PAX5: variants seen among roughly 807,000 people sequenced by gnomAD.
PAX5 encodes paired box protein Pax-5.
A neutral mutation model predicts 43.7 loss-of-function variants in PAX5; 9 were observed. That is an observed-to-expected ratio of 0.21 (90% confidence interval 0.12 to 0.36). The LOEUF is 0.36. Among genes scored for constraint, PAX5 ranks in the 10% least tolerant of loss-of-function variants. The pLI, the probability that PAX5 is intolerant of heterozygous loss-of-function variation, is 1.00. For synonymous variants in PAX5, 228 were observed against 214.3 expected (o/e 1.06, Z -0.56); for missense variants, 383 against 532.7 (o/e 0.72, Z 2.77).
chr9:37,025,901 C>G (rs1445112060), intron 1 of PAX5, among the ~76,000 whole-genome samples: 1 of 152,126 alleles, frequency 6.6e-6, no homozygotes, highest in Non-Finnish European at 1.5e-5. Context: ...AGAGAAGGAC[C>G]CAATGGGGTC....
chr9:37,010,784 T>C (rs528598814), intron 3 of PAX5, among the ~76,000 whole-genome samples: 19 of 152,198 alleles, frequency 1.2e-4, no homozygotes, highest in African/African-American at 3.6e-4. Context: ...ATGCCGAGAA[T>C]TCAAAACCCA....
At chr9:36,943,493 A>C (rs1832228510) in intron 6 of PAX5, among the ~76,000 whole-genome samples, 1 of 150,234 alleles carries the variant, frequency 6.7e-6, no homozygotes, top group Admixed American at 6.7e-5. Flanking sequence ...CAGCTCTCCT[A>C]AAGATATTGC....
At position 36,946,162 on chromosome 9, in the gene PAX5, C is replaced by T. The variant is rs77011705; in HGVS notation, c.780+20387G>A. 1.9e-4 allele frequency among the ~76,000 whole-genome samples: 29 copies of T among 151,834 alleles called. No individual in the cohort carries two copies. The East Asian group carries it at 4.3e-3, about 22-fold the overall frequency. On this transcript the variant is annotated intron_variant, in intron 6 of 9. Coordinates refer to ENST00000358127, the MANE Select transcript of PAX5 (RefSeq NM_016734.3). ...CAGGATGCAGTGCTCCATCAGGAAG[C>T]GACTCCCTGAGGAGTGCTCCGTCAG...
At chr9:37,033,599 TAC>T (rs56039556) in intron 1 of PAX5, among the ~76,000 whole-genome samples, 44,250 of 149,110 alleles carry the variant, frequency 0.3, 6,481 homozygotes, top group Middle Eastern at 0.33. Flanking sequence ...AGTATAAAGA[TAC>T]ACACACACAC....
At chr9:36,942,145 G>A (rs182385578) in intron 6 of PAX5, among the ~76,000 whole-genome samples, 1 of 152,336 alleles carries the variant, frequency 6.6e-6, no homozygotes, top group Non-Finnish European at 1.5e-5. Context: ...CCTTGGCTCA[G>A]GGAAAGGACC....
intron 8 of PAX5, among the ~76,000 whole-genome samples, chr9:36,876,085 G>A (rs1563921059): frequency 6.6e-6 from 1 of 152,190 alleles, no homozygotes; most frequent in East Asian, 1.9e-4. Context: ...GAGCAGAGAG[G>A]GGCTGAGCCC....
intron 7 of PAX5, among the ~76,000 whole-genome samples, chr9:36,922,368 C>T (rs1223013488): frequency 6.6e-6 from 1 of 152,232 alleles, no homozygotes; most frequent in Non-Finnish European, 1.5e-5. Flanking sequence ...GGCTCTGGCC[C>T]AAGTGTGGCC....
At chr9:36,984,929 G>C (rs1394920801) in intron 5 of PAX5, among the ~76,000 whole-genome samples, 1 of 152,216 alleles carries the variant, frequency 6.6e-6, no homozygotes, top group Non-Finnish European at 1.5e-5. Context: ...GCTGGGAGCA[G>C]GGACCTGGGT....
At chr9:37,012,694 G>T (rs1839049600) in intron 3 of PAX5, among the ~76,000 whole-genome samples, 1 of 152,070 alleles carries the variant, frequency 6.6e-6, no homozygotes, top group South Asian at 2.1e-4. Flanking sequence ...CTTCAATTTT[G>T]ACTTAAATAA....
At chr9:36,993,452 A>T (rs1273552381) in intron 5 of PAX5, among the ~76,000 whole-genome samples, 1 of 151,244 alleles carries the variant, frequency 6.6e-6, no homozygotes, top group Non-Finnish European at 1.5e-5. Flanking sequence ...AGGACTTGAG[A>T]TGGAACCAGG....
chr9:36,960,925 C>G (rs1174058742), intron 6 of PAX5, among the ~76,000 whole-genome samples: 1 of 152,224 alleles, frequency 6.6e-6, no homozygotes, highest in East Asian at 1.9e-4. Flanking sequence ...GCATTCTGCC[C>G]TTCCCTCAAG....
intron 6 of PAX5, among the ~76,000 whole-genome samples, chr9:36,942,003 TC>T (rs1269038864): frequency 6.6e-6 from 1 of 152,246 alleles, no homozygotes; most frequent in Non-Finnish European, 1.5e-5. Context: ...ATAGCAGCAC[TC>T]GATCAAGTGC....
rs569868020 is a variant in PAX5 at position 36,862,371 on chromosome 9, G to A, written c.1013-15442C>T. On this transcript the variant is annotated intron_variant, in intron 8 of 9. Transcript: ENST00000358127. ...TCTCCCGCCCGCAGCAATGAACTTC[G>A]CAGGCAGCAGTCCGGCCTTCCTATT... is the stretch of plus-strand genomic sequence containing the variant. Among the ~76,000 whole-genome samples the A allele has an allele frequency of 8.5e-5, 13 of 152,264 alleles. No homozygotes were observed. The South Asian group carries it at 2.1e-3, about 24-fold the overall frequency.
chr9:36,891,096 G>A (rs540416262), intron 7 of PAX5, among the ~76,000 whole-genome samples: 22 of 152,204 alleles, frequency 1.4e-4, no homozygotes, highest in Non-Finnish European at 2.2e-4. Flanking sequence ...CCGAGATTGC[G>A]CCACTGCACT....
chr9:36,899,375 T>C (rs1007555898), intron 7 of PAX5, among the ~76,000 whole-genome samples: 3 of 152,210 alleles, frequency 2.0e-5, no homozygotes, highest in Non-Finnish European at 4.4e-5. Context: ...TATGTCCTGC[T>C]CACTTCTGTT....
At chr9:36,934,117 CG>C (rs1563983725) in intron 6 of PAX5, among the ~76,000 whole-genome samples, 2 of 152,108 alleles carry the variant, frequency 1.3e-5, no homozygotes, top group Non-Finnish European at 1.5e-5. Context: ...GGAATTCCAC[CG>C]GGTCTGGGGC....
At chr9:37,032,293 G>A (rs3739443) in intron 1 of PAX5, among the ~76,000 whole-genome samples, 2,689 of 152,166 alleles carry the variant, frequency 0.018, 147 homozygotes, top group East Asian at 0.16. Context: ...ACAGCTTGTC[G>A]GGAGAGCCAG....
At chr9:36,970,192 T>G (rs1468638904) in intron 5 of PAX5, among the ~76,000 whole-genome samples, 1 of 151,952 alleles carries the variant, frequency 6.6e-6, no homozygotes, top group Non-Finnish European at 1.5e-5. Flanking sequence ...CATGTGACCA[T>G]GTGTAATGGA....
chr9:36,968,128 T>C (rs1262003104), intron 5 of PAX5, among the ~76,000 whole-genome samples: 1 of 152,136 alleles, frequency 6.6e-6, no homozygotes, highest in Non-Finnish European at 1.5e-5. Flanking sequence ...GGCCCAGAGG[T>C]GAGGCATCTG....
Sources: gnomAD v4.1 joint callset for allele counts (sites outside exome capture counted in the v4.1 genomes callset) on GRCh38, gnomAD v4.1.1 for gene constraint, MANE v1.5 for transcripts, NCBI Gene and HGNC (gene_info 2026-07-23, HGNC 2026-07-21) for gene names.